Variants in FAAH2 observed in about 807,000 individuals in gnomAD.
FAAH2 encodes the protein fatty acid amide hydrolase 2.
Under a neutral mutation model 36.9 loss-of-function variants are expected in FAAH2, and 60 were observed. The observed-to-expected ratio is 1.63, with a 90% CI of 1.32 to 2.02. The LOEUF (loss-of-function observed/expected upper bound fraction) is 2.02, where lower values mean the gene tolerates loss of function less well. FAAH2 is among the 30% of genes most tolerant of loss of function. FAAH2 has a pLI of 0.00. For synonymous variants in FAAH2, 214 were observed against 143.8 expected, an observed-to-expected ratio of 1.49 and a Z score of -3.49; for missense variants, 689 against 397.5, an observed-to-expected ratio of 1.73 and a Z score of -6.23.
the FAAH2 span, among the ~76,000 whole-genome samples, chrX:57,162,672 A>G: frequency 8.9e-6 from 1 of 111,832 alleles, no homozygotes. Flanking sequence ...AGGCTTCTGC[A>G]TTCTTCACGT....
chrX:57,418,007 T>G (rs2055891997), intron 7 of FAAH2, among the ~76,000 whole-genome samples: 1 of 111,468 alleles, frequency 9.0e-6, no homozygotes, highest in Admixed American at 9.5e-5. Flanking sequence ...AGTTTGAACT[T>G]CCTGAAGGCT....
At chrX:57,458,074 G>A (rs1433351277) in intron 10 of FAAH2, among the ~76,000 whole-genome samples, 1 of 111,627 alleles carries the variant, frequency 9.0e-6, no homozygotes, top group Non-Finnish European at 1.9e-5. Flanking sequence ...AATCAAAACA[G>A]CATGGTACTG....
chrX:57,280,120 A>G, the FAAH2 span, among the ~76,000 whole-genome samples: 3 of 112,136 alleles, frequency 2.7e-5, no homozygotes, highest in Non-Finnish European at 5.6e-5. Flanking sequence ...GTATATGTAT[A>G]TCTCATATTC....
At chrX:57,385,306 A>T (rs1315333074) in intron 7 of FAAH2, among the ~76,000 whole-genome samples, 1 of 109,844 alleles carries the variant, frequency 9.1e-6, no homozygotes, top group Admixed American at 9.7e-5. Flanking sequence ...GACATGTAAA[A>T]CTAGAAGAAA....
the FAAH2 span, among the ~76,000 whole-genome samples, chrX:57,264,156 A>T: frequency 8.9e-6 from 1 of 112,267 alleles, no homozygotes; most frequent in South Asian, 3.7e-4. Flanking sequence ...TCTAGTGTTG[A>T]CAAAGAGTTC....
chrX:57,290,375 G>C, intron 1 of FAAH2: 1 of 550,569 alleles, frequency 1.8e-6, no homozygotes, highest in Non-Finnish European at 2.2e-6. Context: ...GAGTTATGGT[G>C]GCTGAAATCT....
At chrX:57,163,721 C>T in the FAAH2 span, among the ~76,000 whole-genome samples, 4 of 112,085 alleles carry the variant, frequency 3.6e-5, no homozygotes, top group East Asian at 2.8e-4. Context: ...TGCTTCGGCT[C>T]GCACACGATG....
intron 7 of FAAH2, among the ~76,000 whole-genome samples, chrX:57,423,490 C>G (rs1192234607): frequency 9.0e-6 from 1 of 111,655 alleles, no homozygotes; most frequent in Non-Finnish European, 1.9e-5. Context: ...TCTCGTCTGG[C>G]TGTTTTAGCT....
the FAAH2 span, among the ~76,000 whole-genome samples, chrX:57,243,090 G>A: frequency 9.0e-6 from 1 of 111,387 alleles, no homozygotes; most frequent in African/African-American, 3.3e-5. Flanking sequence ...CTATTACTAA[G>A]GCTTGAGTAG....
the FAAH2 span, among the ~76,000 whole-genome samples, chrX:57,274,534 G>A: frequency 8.0e-5 from 9 of 112,058 alleles, no homozygotes; most frequent in Admixed American, 4.7e-4. Context: ...GAATCCAGCA[G>A]CACATCAAAA....
intron 7 of FAAH2, among the ~76,000 whole-genome samples, chrX:57,431,213 A>G (rs1317191978): frequency 8.9e-6 from 1 of 111,887 alleles, no homozygotes; most frequent in East Asian, 2.8e-4. Context: ...AGAAAAATAA[A>G]CATGACCTGA....
At chrX:57,435,985 T>C (rs917302418) in intron 8 of FAAH2, among the ~76,000 whole-genome samples, 3 of 111,337 alleles carry the variant, frequency 2.7e-5, no homozygotes, top group Admixed American at 9.6e-5. Flanking sequence ...CAAGTCTCAA[T>C]GAATTTTTTA....
intron 8 of FAAH2, among the ~76,000 whole-genome samples, chrX:57,434,422 C>T (rs760726357): frequency 9.1e-6 from 1 of 109,652 alleles, no homozygotes; most frequent in Non-Finnish European, 1.9e-5. Flanking sequence ...AGAATATCAA[C>T]TTAGGCTGTT....
At chrX:57,286,343 G>A (rs181732615), upstream of FAAH2, among the ~76,000 whole-genome samples, 278 of 112,011 alleles carry the variant, frequency 2.5e-3, 1 homozygote, top group African/African-American at 6.1e-3. Context: ...TTTTTCACAA[G>A]CACAGCTGAA....
At chrX:57,391,087 C>A (rs977004883) in intron 7 of FAAH2, among the ~76,000 whole-genome samples, 1 of 110,799 alleles carries the variant, frequency 9.0e-6, no homozygotes, top group Non-Finnish European at 1.9e-5. Flanking sequence ...ATGTTGAGCA[C>A]CTTTTCATAA....
intron 5 of FAAH2, among the ~76,000 whole-genome samples, chrX:57,358,581 A>G (rs1416688157): frequency 9.0e-6 from 1 of 111,349 alleles, no homozygotes; most frequent in African/African-American, 3.3e-5. Context: ...GTATATATAT[A>G]GAGAGAGAGT....
chrX:57,263,563 C>A, the FAAH2 span, among the ~76,000 whole-genome samples: 1 of 111,364 alleles, frequency 9.0e-6, no homozygotes, highest in Non-Finnish European at 1.9e-5. Flanking sequence ...AAAACTTTTG[C>A]AAGATTTTTT....
At chrX:57,183,932 C>A in the FAAH2 span, among the ~76,000 whole-genome samples, 2 of 109,937 alleles carry the variant, frequency 1.8e-5, no homozygotes, top group South Asian at 4.0e-4. Flanking sequence ...AATATTAATA[C>A]CCTGGGAGCC....
At chrX:57,435,845 TA>T (rs1304937534) in intron 8 of FAAH2, among the ~76,000 whole-genome samples, 1 of 111,435 alleles carries the variant, frequency 9.0e-6, no homozygotes, top group African/African-American at 3.3e-5. Flanking sequence ...GCAATAGACC[TA>T]ACACACTTTG....
Sources: allele counts gnomAD v4.1 joint callset (sites outside exome capture counted in the v4.1 genomes callset), GRCh38; gene constraint gnomAD v4.1.1; transcripts MANE v1.5; gene names NCBI Gene and HGNC (gene_info 2026-07-23, HGNC 2026-07-21).